Variants in GRIA4 observed in about 807,000 individuals in gnomAD.
GRIA4 encodes glutamate receptor 4.
Under a neutral mutation model 104.0 loss-of-function variants are expected in GRIA4, and 34 were observed. The ratio of observed to expected loss-of-function variants is 0.33; its 90% confidence interval spans 0.25 to 0.44. The LOEUF is 0.44. Ranked by LOEUF, GRIA4 falls within the 20% of genes least tolerant of loss-of-function variation. The probability of loss-of-function intolerance (pLI) is 1.00; values close to 1 mark genes in which losing one functional copy is unlikely to be tolerated. For missense variants in GRIA4, 750 were observed against 1,096.5 expected (o/e 0.68, Z 4.46); for synonymous variants, 386 against 381.9 (o/e 1.01, Z -0.13).
At chr11:105,733,566 G>A (rs1479309948) in intron 3 of GRIA4, among the ~76,000 whole-genome samples, 2 of 151,758 alleles carry the variant, frequency 1.3e-5, no homozygotes, top group East Asian at 3.9e-4. Context: ...TAGCAATTCT[G>A]CTGCCTCAGC....
Position 105,618,622 on chromosome 11 carries a change from T to C in GRIA4, c.247+6188T>C, listed in dbSNP as rs189269420. Among the ~76,000 whole-genome samples the C allele has an allele frequency of 2.4e-4, 36 of 152,084 alleles. No homozygotes were observed. In the East Asian group the frequency reaches 6.2e-3, roughly 26 times the overall value. ...CTGAGTGGGGAGGGTGACTATACAA[T>C]GGACTTACTGATTTTGAGGTGTTAA... is the stretch of plus-strand genomic sequence containing the variant. On this transcript the variant is annotated intron_variant, in intron 3 of 16. Transcript: ENST00000282499.
chr11:105,966,429 A>G (rs1858373042), intron 14 of GRIA4, among the ~76,000 whole-genome samples: 1 of 152,098 alleles, frequency 6.6e-6, no homozygotes, highest in African/African-American at 2.4e-5. Flanking sequence ...TTTTTTCACC[A>G]TTACTTTACC....
At chr11:105,950,170 G>A (rs1292711878) in intron 14 of GRIA4, among the ~76,000 whole-genome samples, 2 of 152,202 alleles carry the variant, frequency 1.3e-5, no homozygotes, top group Non-Finnish European at 2.9e-5. Flanking sequence ...AAAAAGCAGT[G>A]AAGCAAAGTT....
At chr11:105,764,592 C>A (rs758321921) in intron 4 of GRIA4, among the ~76,000 whole-genome samples, 1 of 151,928 alleles carries the variant, frequency 6.6e-6, no homozygotes, top group Non-Finnish European at 1.5e-5. Context: ...GAAAGAGACC[C>A]CCCTACTCCC....
rs1822842562 is a variant in GRIA4 at position 105,700,697 on chromosome 11, G to T, written c.248-52284G>T. On this transcript the variant is annotated intron_variant, in intron 3 of 16. Coordinates refer to ENST00000282499, the MANE Select transcript of GRIA4 (RefSeq NM_000829.4). Reference sequence around the variant, plus strand: ...GCCTTCAAATCCATGCATTCGAAATGCCAAGTCAGGTCTACTTTGAAACTC... The same window carrying T: ...GCCTTCAAATCCATGCATTCGAAATTCCAAGTCAGGTCTACTTTGAAACTC... Among the ~76,000 whole-genome samples the T allele has an allele frequency of 1.3e-5, 2 of 152,022 alleles. 1 individual carries two copies. Among genetic ancestry groups the T allele is most frequent in the Admixed American group, 1.3e-4 (2 of 15,232 alleles).
At chr11:105,890,011 A>G (rs540837263) in intron 6 of GRIA4, among the ~76,000 whole-genome samples, 1 of 152,312 alleles carries the variant, frequency 6.6e-6, no homozygotes, top group South Asian at 2.1e-4. Flanking sequence ...GATTTCTACA[A>G]TAACAATTCT....
intron 7 of GRIA4, among the ~76,000 whole-genome samples, chr11:105,903,360 T>C (rs940992625): frequency 6.6e-6 from 1 of 152,218 alleles, no homozygotes; most frequent in African/African-American, 2.4e-5. Flanking sequence ...CATGAACTTA[T>C]ATTAAATCTC....
intron 4 of GRIA4, among the ~76,000 whole-genome samples, chr11:105,834,546 C>A (rs541103696): frequency 6.6e-6 from 1 of 152,054 alleles, no homozygotes; most frequent in African/African-American, 2.4e-5. Context: ...TGCTAGCATT[C>A]TCTGTGGGAA....
chr11:105,815,106 GAGAT>G (rs1243258048), intron 4 of GRIA4, among the ~76,000 whole-genome samples: 1 of 152,158 alleles, frequency 6.6e-6, no homozygotes, highest in African/African-American at 2.4e-5. Flanking sequence ...TGCTTATTGA[GAGAT>G]AGAGTGACAG....
At chr11:105,712,483 C>T (rs1953945681) in intron 3 of GRIA4, among the ~76,000 whole-genome samples, 1 of 151,714 alleles carries the variant, frequency 6.6e-6, no homozygotes. Flanking sequence ...AGAATAATAC[C>T]ATATAAATGG....
intron 4 of GRIA4, among the ~76,000 whole-genome samples, chr11:105,815,368 G>T (rs1943333766): frequency 6.6e-6 from 1 of 152,116 alleles, no homozygotes; most frequent in African/African-American, 2.4e-5. Context: ...AAGGGATTGA[G>T]AAATAGTGTT....
chr11:105,884,862 T>G (rs1472402665), intron 5 of GRIA4, among the ~76,000 whole-genome samples: 1 of 152,242 alleles, frequency 6.6e-6, no homozygotes, highest in Non-Finnish European at 1.5e-5. Flanking sequence ...CACATCTTTT[T>G]AACATTTACA....
At chr11:105,836,579 C>T (rs1258977703) in intron 4 of GRIA4, among the ~76,000 whole-genome samples, 1 of 152,144 alleles carries the variant, frequency 6.6e-6, no homozygotes, top group Non-Finnish European at 1.5e-5. Context: ...CCTCAGCACA[C>T]TTGTAGATAA....
At chr11:105,873,133 T>G (rs570151260) in intron 5 of GRIA4, among the ~76,000 whole-genome samples, 2 of 152,244 alleles carry the variant, frequency 1.3e-5, no homozygotes, top group East Asian at 3.9e-4. Context: ...GTCCCTATAT[T>G]CTCATTGTTC....
intron 3 of GRIA4, among the ~76,000 whole-genome samples, chr11:105,643,223 T>C (rs1242310459): frequency 6.6e-6 from 1 of 152,176 alleles, no homozygotes; most frequent in Admixed American, 6.5e-5. Context: ...TTATATTTTA[T>C]TTCAGCTATA....
At chr11:105,876,496 C>G (rs779159129) in intron 5 of GRIA4, among the ~76,000 whole-genome samples, 18 of 152,146 alleles carry the variant, frequency 1.2e-4, no homozygotes, top group Non-Finnish European at 2.1e-4. Flanking sequence ...TTTGATCTGT[C>G]TACTATTGAC....
chr11:105,723,481 G>A (rs576914671), intron 3 of GRIA4, among the ~76,000 whole-genome samples: 60 of 152,162 alleles, frequency 3.9e-4, no homozygotes, highest in African/African-American at 1.4e-3. Flanking sequence ...GCAATTCAAT[G>A]AGATAATGTT....
In GRIA4 at chr11:105,847,581, A is replaced by G. The variant is rs150462673; in HGVS notation, c.488-14443A>G. ...TTTGTTACTCACTGAATCAACATCC[A>G]TATGTTTTAAGAGCCAGATGGTGAA... On this transcript the variant is annotated intron_variant, in intron 4 of 16. Coordinates refer to ENST00000282499, the MANE Select transcript of GRIA4 (RefSeq NM_000829.4). Among the ~76,000 whole-genome samples the G allele has an allele frequency of 7.5e-3, 1,135 of 152,300 alleles. 13 individuals carry two copies. Among genetic ancestry groups the G allele is most frequent in the African/African-American group, 0.025 (1,050 of 41,570 alleles).
chr11:105,680,661 A>G (rs1008125310), intron 3 of GRIA4, among the ~76,000 whole-genome samples: 2 of 152,116 alleles, frequency 1.3e-5, no homozygotes, highest in South Asian at 2.1e-4. Context: ...TTAAAAAAAT[A>G]TATCTTCAAA....
Sources: gnomAD v4.1 joint callset for allele counts (sites outside exome capture counted in the v4.1 genomes callset) on GRCh38, gnomAD v4.1.1 for gene constraint, MANE v1.5 for transcripts, NCBI Gene and HGNC (gene_info 2026-07-23, HGNC 2026-07-21) for gene names.